Variants in ANKIB1 observed in about 807,000 individuals in gnomAD.
ANKIB1 encodes ankyrin repeat and IBR domain-containing protein 1.
A neutral mutation model predicts 122.1 loss-of-function variants in ANKIB1; 43 were observed. The observed-to-expected ratio is 0.35, with a 90% CI of 0.28 to 0.45. ANKIB1 has a LOEUF of 0.45. ANKIB1 is among the 20% of genes least tolerant of loss of function. The pLI is 1.00. For missense variants in ANKIB1, 992 were observed against 1,329.5 expected, an observed-to-expected ratio of 0.75 and a Z score of 3.95; for synonymous variants, 390 against 442.0, an observed-to-expected ratio of 0.88 and a Z score of 1.48.
In ANKIB1 at chr7:92,343,138, C is replaced by G; in HGVS notation, c.902C>G (p.Thr301Arg). Residue 301 changes from threonine (T) to arginine (R), a missense_variant, in exon 6 of 20, where the codon ACG (threonine) becomes AGG (arginine). Physicochemically the swap from Thr to Arg is moderately conservative, Grantham distance 71. This residue lies in a region of ANKIB1 where 521 missense variants were observed against 777.7 expected (regional missense o/e 0.67). Coordinates refer to ENST00000265742, the MANE Select transcript of ANKIB1 (RefSeq NM_019004.2). The stretch of plus-strand genomic sequence containing the variant: ...CCAAGTGGGTATAATGCCTGGGACA[C>G]GCTCCCATCTCCAAGAACTCCAAGG... ...PPPSGYNAWD[T>R]LPSPRTPRTT... is the part of the protein sequence containing the mutation. 1 of 1,613,880 alleles carries G rather than the reference C, an allele frequency of 6.2e-7. No individual in the cohort carries two copies. Among genetic ancestry groups the G allele is most frequent in the Non-Finnish European group, 8.5e-7 (1 of 1,179,836 alleles).
chr7:92,382,686 A>G (rs1460829240), intron 11 of ANKIB1, among the ~76,000 whole-genome samples: 1 of 152,240 alleles, frequency 6.6e-6, no homozygotes, highest in Non-Finnish European at 1.5e-5. Flanking sequence ...GTTCTTTGAA[A>G]CCAATGAGAA....
At chr7:92,322,102 A>G (rs1392404526) in intron 4 of ANKIB1, among the ~76,000 whole-genome samples, 1 of 152,202 alleles carries the variant, frequency 6.6e-6, no homozygotes, top group African/African-American at 2.4e-5. Context: ...TTGACAATCC[A>G]TTATCTTGCG....
At chr7:92,319,717 G>A in intron 4 of ANKIB1, 1 of 526,488 alleles carries the variant, frequency 1.9e-6, no homozygotes, top group South Asian at 2.8e-5. Flanking sequence ...GCTTTGGGAG[G>A]CCAAGGCACC....
chr7:92,398,855 G>GT lies in ANKIB1; in HGVS notation c.3177dup (p.Asn1060Ter), dbSNP rs1259232385. ...GCAGCATCTCAAGCTGGTGACAGTG[G>GT]TAACGAGGCAGCCAACAGAGGAGAT... On this transcript the variant is annotated frameshift_variant, in exon 20 of 20. Coordinates refer to ENST00000265742, the MANE Select transcript of ANKIB1 (RefSeq NM_019004.2). LOFTEE classifies it high-confidence loss of function. 6.2e-7 allele frequency: 1 copy of GT among 1,604,884 alleles called. No homozygotes were observed. Among genetic ancestry groups the GT allele is most frequent in the East Asian group, 2.2e-5 (1 of 44,466 alleles).
chr7:92,288,050 A>C (rs71560810), intron 1 of ANKIB1, among the ~76,000 whole-genome samples: 4 of 130,242 alleles, frequency 3.1e-5, no homozygotes, highest in African/African-American at 5.4e-5. Context: ...AAAAAAAAAA[A>C]AAAAAAACTG....
At chr7:92,309,942 A>AAAAAAAAAAAATAT (rs1335765681) in intron 3 of ANKIB1, among the ~76,000 whole-genome samples, 3 of 91,818 alleles carry the variant, frequency 3.3e-5, no homozygotes, top group African/African-American at 4.8e-5. Flanking sequence ...AAAAAAAAAA[A>AAAAAAAAAAAATAT]ATATATATAT....
chr7:92,297,959 A>T (rs1042111235), intron 2 of ANKIB1, among the ~76,000 whole-genome samples: 1 of 152,010 alleles, frequency 6.6e-6, no homozygotes, highest in Non-Finnish European at 1.5e-5. Context: ...TTGTTTCTGG[A>T]TTCTCAAATG....
chr7:92,284,684 C>T (rs1178917943), intron 1 of ANKIB1, among the ~76,000 whole-genome samples: 1 of 151,524 alleles, frequency 6.6e-6, no homozygotes, highest in Admixed American at 6.6e-5. Flanking sequence ...TTTGTTCCTT[C>T]TTTCTTTCTT....
intron 1 of ANKIB1, among the ~76,000 whole-genome samples, chr7:92,287,754 G>T (rs948538465): frequency 2.0e-5 from 3 of 151,794 alleles, no homozygotes; most frequent in Admixed American, 6.6e-5. Context: ...GAAAAAAAAA[G>T]GCCAGGCGTG....
intron 7 of ANKIB1, 44 bp from the exon 8 acceptor site, chr7:92,350,906 T>TTAATATCCTTGC (rs1562789799): frequency 6.5e-7 from 1 of 1,541,628 alleles, no homozygotes; most frequent in Admixed American, 2.2e-5. Flanking sequence ...TATGCACAAC[T>TTAATATCCTTGC]TAATATCCTT....
intron 1 of ANKIB1, among the ~76,000 whole-genome samples, chr7:92,294,077 C>T (rs1427998674): frequency 1.3e-5 from 2 of 152,108 alleles, no homozygotes; most frequent in South Asian, 2.1e-4. Flanking sequence ...TAGGCAAATA[C>T]GGTATTTTGA....
intron 9 of ANKIB1, among the ~76,000 whole-genome samples, chr7:92,360,375 A>C (rs1039254495): frequency 6.6e-6 from 1 of 152,156 alleles, no homozygotes; most frequent in Non-Finnish European, 1.5e-5. Flanking sequence ...TTTAAGGCTC[A>C]TTCATAGTGT....
intron 3 of ANKIB1, 21 bp downstream of exon 3, chr7:92,307,677 A>G (rs1238280826): frequency 6.9e-7 from 1 of 1,439,294 alleles, no homozygotes; most frequent in Non-Finnish European, 9.1e-7. Context: ...TTTTTTTTTA[A>G]TATTCTGCAT....
rs1481197742 is a variant in ANKIB1 at position 92,343,068 on chromosome 7, G to A, written c.832G>A (p.Glu278Lys). The stretch of plus-strand genomic sequence containing the variant: ...ACTTGAAGCTTGGATGTCCAACCCG[G>A]AGAACTGCTGCCAACGATCAGGTGT... ...KLLEAWMSNP[E>K]NCCQRSGVQM... is the part of the protein sequence containing the mutation. The change falls in exon 6 of 20, where the codon GAG (glutamate) becomes AAG (lysine). Residue 278 changes from glutamate (E) to lysine (K), a missense_variant. Around this residue, in one of 4 missense-constraint regions of ANKIB1, gnomAD observed 521 missense variants for 777.7 expected, o/e 0.67. Coordinates refer to ENST00000265742, the MANE Select transcript of ANKIB1 (RefSeq NM_019004.2). 8 of 1,613,756 alleles carry A rather than the reference G, an allele frequency of 5.0e-6. No individual in the cohort carries two copies. In the African/African-American group the frequency reaches 8.0e-5, roughly 16 times the overall value.
rs545623006 is a variant in ANKIB1 at position 92,253,621 on chromosome 7, CAT to C, written c.-91+7104_-91+7105del. Among the ~76,000 whole-genome samples, 792 of 152,266 alleles carry C rather than the reference CAT, an allele frequency of 5.2e-3. 9 individuals carry two copies. Among genetic ancestry groups the C allele is most frequent in the African/African-American group, 0.017 (725 of 41,532 alleles). ...ATACATATATGTGATAGAATATACA[CAT>C]AGTTTCCCCAGACACAAATGGTAAC... is the stretch of plus-strand genomic sequence containing the variant. On this transcript the variant is annotated intron_variant, in intron 1 of 19. Coordinates refer to ENST00000265742, the MANE Select transcript of ANKIB1 (RefSeq NM_019004.2).
intron 1 of ANKIB1, among the ~76,000 whole-genome samples, chr7:92,274,440 T>A (rs574565509): frequency 6.6e-6 from 1 of 152,248 alleles, no homozygotes; most frequent in East Asian, 1.9e-4. Flanking sequence ...TTTAAAAAAA[T>A]TTTACAGTGA....
At chr7:92,331,688 C>G (rs77817955) in intron 5 of ANKIB1, among the ~76,000 whole-genome samples, 1 of 152,166 alleles carries the variant, frequency 6.6e-6, no homozygotes, top group Non-Finnish European at 1.5e-5. Flanking sequence ...GTTTTATGAG[C>G]CACTCCTGTA....
At position 92,307,569 on chromosome 7, in the gene ANKIB1, T is replaced by C. The variant is rs1207220816; in HGVS notation, c.399T>C (p.Tyr133=). The C allele has an allele frequency of 2.5e-6, 4 of 1,613,670 alleles. No individual in the cohort carries two copies. Among genetic ancestry groups the C allele is most frequent in the Non-Finnish European group, 3.4e-6 (4 of 1,179,870 alleles). The part of the protein sequence containing the change: ...WKGAKLDQGE[Y]ERAAIDAVDN... ...GAGCAAAACTTGACCAGGGTGAATA[T>C]GAGAGAGCAGCTATTGATGCTGTTG... is the stretch of plus-strand genomic sequence containing the variant. The change falls in exon 3 of 20, where the codon TAT becomes TAC. Residue 133 remains tyrosine (Y), a synonymous_variant. Transcript: ENST00000265742.
At chr7:92,327,105 A>T (rs920925044) in intron 4 of ANKIB1, among the ~76,000 whole-genome samples, 1 of 152,248 alleles carries the variant, frequency 6.6e-6, no homozygotes, top group Non-Finnish European at 1.5e-5. Flanking sequence ...TTATTGCTTA[A>T]TGGTGGAATT....
Sources: gnomAD v4.1 joint callset for allele counts (sites outside exome capture counted in the v4.1 genomes callset) on GRCh38, gnomAD v4.1.1 for gene constraint, gnomAD v4.1.1 regional missense constraint, MANE v1.5 for transcripts, NCBI Gene and HGNC (gene_info 2026-07-23, HGNC 2026-07-21) for gene names.